The following CCDC63 variants were observed in gnomAD, a reference collection of about 807,000 sequenced individuals.
CCDC63 encodes coiled-coil domain containing 63.
Under a neutral mutation model 63.6 loss-of-function variants are expected in CCDC63, and 54 were observed. The observed-to-expected ratio is 0.85, with a 90% CI of 0.68 to 1.07. CCDC63 has a LOEUF of 1.07. CCDC63 is among the 50% of genes least tolerant of loss of function. The probability of loss-of-function intolerance (pLI) is 0.00; values close to 1 mark genes in which losing one functional copy is unlikely to be tolerated. For missense variants in CCDC63, 637 were observed against 689.6 expected (o/e 0.92, Z 0.86); for synonymous variants, 253 against 266.1 (o/e 0.95, Z 0.48).
At chr12:110,880,333 C>G (rs995291193) in intron 6 of CCDC63, among the ~76,000 whole-genome samples, 1 of 152,152 alleles carries the variant, frequency 6.6e-6, no homozygotes, top group Admixed American at 6.5e-5. Flanking sequence ...AATGTGCAGG[C>G]TTAGAGATGC....
intron 4 of CCDC63, among the ~76,000 whole-genome samples, chr12:110,869,568 T>C (rs944362178): frequency 7.9e-5 from 12 of 152,126 alleles, no homozygotes; most frequent in African/African-American, 2.4e-4. Context: ...ATGAAGATAT[T>C]TGGGTGTGGG....
At chr12:110,870,570 A>G (rs1326257151) in intron 4 of CCDC63, among the ~76,000 whole-genome samples, 1 of 152,166 alleles carries the variant, frequency 6.6e-6, no homozygotes, top group Non-Finnish European at 1.5e-5. Flanking sequence ...CTGCACCCCA[A>G]GAGGATGCAT....
intron 5 of CCDC63, among the ~76,000 whole-genome samples, chr12:110,876,936 C>T (rs1162275859): frequency 6.6e-6 from 1 of 150,520 alleles, no homozygotes; most frequent in South Asian, 2.1e-4. Context: ...CCTAGCTGCT[C>T]GGTAGGCTGA....
chr12:110,879,868 GA>G, intron 5 of CCDC63, 37 bp from the exon 6 acceptor site: 9 of 1,603,188 alleles, frequency 5.6e-6, no homozygotes, highest in Non-Finnish European at 7.7e-6. Flanking sequence ...TTACAAAACA[GA>G]AATGAGACCT....
intron 4 of CCDC63, among the ~76,000 whole-genome samples, chr12:110,867,019 G>C (rs1294865569): frequency 1.7e-5 from 2 of 120,136 alleles, no homozygotes; most frequent in Non-Finnish European, 3.5e-5. Context: ...CCTCCCTCCC[G>C]GACGGGGCGG....
In CCDC63 at chr12:110,906,048, A is replaced by AATATATATTATAATAATATAATATATAAT. The variant is rs1566144878; in HGVS notation, c.1546+1265_1546+1266insTATAATAATATAATATATAATATATATAT. Among the ~76,000 whole-genome samples, 125 of 75,548 alleles carry AATATATATTATAATAATATAATATATAAT rather than the reference A, an allele frequency of 1.7e-3. 1 individual carries two copies. The highest frequency in any genetic ancestry group is 6.8e-3 in the African/African-American group (118 of 17,232). 49.6% of individuals were successfully genotyped at this position (75,548 alleles called of 152,430 possible). The stretch of plus-strand genomic sequence containing the variant: ...TATATATTATAATAATATAATATAT[A>AATATATATTATAATAATATAATATATAAT]ATATATATATAATATATATACTTTT... On this transcript the variant is annotated intron_variant, in intron 11 of 11. Coordinates refer to ENST00000308208, the MANE Select transcript of CCDC63 (RefSeq NM_152591.3).
At chr12:110,865,464 C>CAAAAAA (rs10585238) in intron 4 of CCDC63, among the ~76,000 whole-genome samples, 84 of 102,280 alleles carry the variant, frequency 8.2e-4, no homozygotes, top group Middle Eastern at 5.7e-3. Flanking sequence ...CAGCATATAC[C>CAAAAAA]AAAAAAAAAA....
intron 4 of CCDC63, among the ~76,000 whole-genome samples, chr12:110,865,028 G>A (rs900616641): frequency 1.1e-4 from 17 of 152,192 alleles, no homozygotes; most frequent in African/African-American, 4.1e-4. Context: ...TTAGGAATGA[G>A]AAGACTTTTT....
At position 110,879,136 on chromosome 12, in the gene CCDC63, A is replaced by C. The variant is rs530051435; in HGVS notation, c.490-770A>C. Among the ~76,000 whole-genome samples the C allele has an allele frequency of 3.3e-5, 5 of 152,332 alleles. No homozygotes were observed. In the South Asian group the frequency reaches 1.0e-3, roughly 32 times the overall value. ...AGTCATAAGACCAGTATTACACCCT[A>C]CAAAATGAATAATATTTCCATAATA... On this transcript the variant is annotated intron_variant, in intron 5 of 11. Transcript: ENST00000308208.
intron 11 of CCDC63, among the ~76,000 whole-genome samples, chr12:110,906,062 A>T (rs2136759142): frequency 1.1e-5 from 1 of 94,670 alleles, no homozygotes; most frequent in South Asian, 2.7e-4. Context: ...TATATATAAT[A>T]TATATACTTT....
At chr12:110,892,384 C>T (rs1409915640) in intron 8 of CCDC63, among the ~76,000 whole-genome samples, 2 of 150,778 alleles carry the variant, frequency 1.3e-5, no homozygotes, top group African/African-American at 2.4e-5. Context: ...GAGACCAGCC[C>T]GGGCAACATA....
At chr12:110,866,986 C>T (rs1593654636) in intron 4 of CCDC63, among the ~76,000 whole-genome samples, 6 of 129,326 alleles carry the variant, frequency 4.6e-5, no homozygotes, top group Non-Finnish European at 6.7e-5. Flanking sequence ...GGCGGCTGGC[C>T]GGGCGGGGGG....
At position 110,906,022 on chromosome 12, in the gene CCDC63, T is replaced by C. The variant is rs569390582; in HGVS notation, c.1546+1231T>C. On this transcript the variant is annotated intron_variant, in intron 11 of 11. Coordinates refer to ENST00000308208, the MANE Select transcript of CCDC63 (RefSeq NM_152591.3). ...TATATATTATATAATATAATATATA[T>C]TATATATTATAATAATATAATATAT... Among the ~76,000 whole-genome samples, 2 of 38,790 alleles carry C rather than the reference T, an allele frequency of 5.2e-5. 1 individual carries two copies. Among genetic ancestry groups the C allele is most frequent in the Non-Finnish European group, 1.0e-4 (2 of 19,906 alleles). 25.4% of individuals were successfully genotyped at this position (38,790 alleles called of 152,430 possible).
At chr12:110,866,879 T>C (rs1463574474) in intron 4 of CCDC63, among the ~76,000 whole-genome samples, 9 of 140,206 alleles carry the variant, frequency 6.4e-5, no homozygotes, top group East Asian at 2.3e-4. Flanking sequence ...GGCTCCTCAC[T>C]TCCCAGTAGG....
intron 4 of CCDC63, among the ~76,000 whole-genome samples, chr12:110,868,140 C>A (rs1328533257): frequency 6.7e-6 from 1 of 149,194 alleles, no homozygotes; most frequent in Non-Finnish European, 1.5e-5. Flanking sequence ...GATGGGCGGC[C>A]GGGCAGAGAC....
At chr12:110,880,502 G>A (rs2071185779) in intron 6 of CCDC63, among the ~76,000 whole-genome samples, 1 of 151,994 alleles carries the variant, frequency 6.6e-6, no homozygotes, top group Non-Finnish European at 1.5e-5. Flanking sequence ...GGAGCAAAAG[G>A]CATATAGTTT....
At chr12:110,868,949 T>C (rs2071025994) in intron 4 of CCDC63, among the ~76,000 whole-genome samples, 2 of 152,206 alleles carry the variant, frequency 1.3e-5, no homozygotes, top group African/African-American at 4.8e-5. Context: ...TGGACCACTT[T>C]ACTTTTGTAT....
At chr12:110,898,695 T>C (rs61940994) in intron 9 of CCDC63, among the ~76,000 whole-genome samples, 1,838 of 152,226 alleles carry the variant, frequency 0.012, 13 homozygotes, top group Non-Finnish European at 0.015. Context: ...AAACTTACAT[T>C]GAACAATATT....
chr12:110,881,081 T>C (rs764615129), intron 6 of CCDC63, 34 bp from the exon 7 acceptor site: 2 of 1,554,460 alleles, frequency 1.3e-6, no homozygotes, highest in African/African-American at 1.4e-5. Flanking sequence ...AGGAGGAGCC[T>C]CAGATGCTCA....
Sources: gnomAD v4.1 joint callset for allele counts (sites outside exome capture counted in the v4.1 genomes callset) on GRCh38, gnomAD v4.1.1 for gene constraint, MANE v1.5 for transcripts, NCBI Gene and HGNC (gene_info 2026-07-23, HGNC 2026-07-21) for gene names.